The following AK9 variants were observed in gnomAD, a reference collection of about 807,000 sequenced individuals.
AK9 encodes the protein adenylate kinase 9, also known as adenylate kinase domain containing 1.
AK9 carries 191 observed loss-of-function variants against 239.6 expected under a neutral mutation model. The ratio of observed to expected loss-of-function variants is 0.80; its 90% CI spans 0.71 to 0.90. The LOEUF is 0.90. AK9 is among the 40% of genes least tolerant of loss of function. The pLI, the probability that AK9 is intolerant of heterozygous loss-of-function variation, is 0.00. For synonymous variants in AK9, 689 were observed against 721.0 expected, an observed-to-expected ratio of 0.96 and a Z score of 0.71; for missense variants, 1,995 against 2,214.7, an observed-to-expected ratio of 0.90 and a Z score of 1.99.
At chr6:109,659,900 A>C (rs548123946) in intron 6 of AK9, among the ~76,000 whole-genome samples, 1 of 152,294 alleles carries the variant, frequency 6.6e-6, no homozygotes, top group East Asian at 1.9e-4. Flanking sequence ...TGGGACCTGA[A>C]AGATCATCTA....
intron 8 of AK9, among the ~76,000 whole-genome samples, chr6:109,655,457 T>A (rs1799553774): frequency 6.6e-6 from 1 of 152,246 alleles, no homozygotes; most frequent in Non-Finnish European, 1.5e-5. Context: ...TCATCATAGT[T>A]AACGTGAATA....
At chr6:109,586,273 G>T (rs1048107253) in intron 17 of AK9, among the ~76,000 whole-genome samples, 3 of 152,124 alleles carry the variant, frequency 2.0e-5, no homozygotes, top group Admixed American at 2.0e-4. Flanking sequence ...AATGGAGGCT[G>T]GGCGAAGTGG....
chr6:109,571,420 A>G (rs1018348724), intron 21 of AK9, among the ~76,000 whole-genome samples: 2 of 152,206 alleles, frequency 1.3e-5, no homozygotes, highest in African/African-American at 4.8e-5. Flanking sequence ...GTAGGACTTT[A>G]AAAATGTCCG....
intron 1 of AK9, among the ~76,000 whole-genome samples, chr6:109,686,375 C>A: frequency 6.6e-6 from 1 of 152,206 alleles, no homozygotes; most frequent in East Asian, 1.9e-4. Context: ...GTTACTGTAC[C>A]TTGTACCTTC....
At chr6:109,638,788 C>T (rs1583365286) in intron 10 of AK9, among the ~76,000 whole-genome samples, 1 of 152,156 alleles carries the variant, frequency 6.6e-6, no homozygotes, top group Non-Finnish European at 1.5e-5. Flanking sequence ...TCTCCTAATG[C>T]TATCCCTCCC....
chr6:109,575,530 A>AT (rs756231478), intron 20 of AK9, among the ~76,000 whole-genome samples: 5 of 150,330 alleles, frequency 3.3e-5, no homozygotes, highest in Non-Finnish European at 4.4e-5. Context: ...TGGGATTATT[A>AT]TTTTTTTTTC....
chr6:109,578,582 G>A (rs1165006169), intron 20 of AK9, among the ~76,000 whole-genome samples: 2 of 151,974 alleles, frequency 1.3e-5, no homozygotes, highest in Non-Finnish European at 1.5e-5. Flanking sequence ...TTGGGTTCGG[G>A]TTTGGGTTTG....
chr6:109,688,071 C>T (rs903168003), intron 1 of AK9, among the ~76,000 whole-genome samples: 7 of 152,142 alleles, frequency 4.6e-5, no homozygotes, highest in African/African-American at 1.7e-4. Flanking sequence ...CATATCAAGG[C>T]CTCCTTTCAC....
At chr6:109,552,821 T>G (rs1021278384) in intron 24 of AK9, among the ~76,000 whole-genome samples, 12 of 152,014 alleles carry the variant, frequency 7.9e-5, no homozygotes, top group African/African-American at 2.2e-4. Context: ...TTCTTCTACG[T>G]TTTTTTATGC....
chr6:109,653,226 A>G (rs535803195), intron 8 of AK9, among the ~76,000 whole-genome samples: 53 of 152,110 alleles, frequency 3.5e-4, no homozygotes, highest in Non-Finnish European at 7.2e-4. Context: ...CACGCCTGGC[A>G]AAAGTAGGTT....
intron 1 of AK9, 71 bp downstream of exon 1, chr6:109,691,076 G>C (rs1774325238): frequency 1.1e-5 from 4 of 348,144 alleles, no homozygotes; most frequent in Non-Finnish European, 2.2e-5. Flanking sequence ...TTTCCAAAGA[G>C]AGGGAGGAGA....
At chr6:109,506,305 A>G in intron 35 of AK9, 22 bp downstream of exon 35, 1 of 1,600,830 alleles carries the variant, frequency 6.2e-7, no homozygotes, top group Non-Finnish European at 8.6e-7. Flanking sequence ...ATTTTATTCT[A>G]CCTTAAAAAG....
chr6:109,678,529 G>A (rs1583552871), intron 1 of AK9, among the ~76,000 whole-genome samples: 1 of 152,120 alleles, frequency 6.6e-6, no homozygotes, highest in East Asian at 1.9e-4. Context: ...TATCATAAGA[G>A]AAATAAAGGC....
Position 109,542,057 on chromosome 6 carries a change from C to T in AK9, c.3340G>A (p.Glu1114Lys). Residue 1114 changes from glutamate to lysine, a missense_variant, in exon 27 of 41, where the codon GAA (glutamate) becomes AAA (lysine). Glu to Lys is a moderately conservative substitution (Grantham distance 56, BLOSUM62 1). Transcript: ENST00000424296. ...TATAAATTAAGATACCGTATTGGTT[C>T]CTTAAGCCACCACTCAGAAAGAATT... The part of the protein sequence containing the change: ...EVILSEWWLK[E>K]PIRSTGFILD... The T allele has an allele frequency of 6.3e-7, 1 of 1,595,632 alleles. No homozygotes were observed. The highest frequency in any genetic ancestry group is 8.6e-7 in the Non-Finnish European group (1 of 1,168,102).
chr6:109,588,244 T>C (rs1789771394), intron 17 of AK9, among the ~76,000 whole-genome samples: 1 of 152,168 alleles, frequency 6.6e-6, no homozygotes, highest in South Asian at 2.1e-4. Context: ...CTAATTTTTG[T>C]ATTTTTAGTA....
At chr6:109,495,804 G>T (rs954858296) in intron 38 of AK9, among the ~76,000 whole-genome samples, 6 of 152,042 alleles carry the variant, frequency 3.9e-5, no homozygotes, top group African/African-American at 1.4e-4. Context: ...CTACCCACTT[G>T]TTCTCTTCCC....
intron 17 of AK9, among the ~76,000 whole-genome samples, chr6:109,592,951 C>T (rs1450152925): frequency 6.6e-6 from 1 of 152,084 alleles, no homozygotes; most frequent in Non-Finnish European, 1.5e-5. Flanking sequence ...ATTATTTCCT[C>T]AAATAGGTTT....
chr6:109,620,985 T>A (rs1266835254), intron 12 of AK9, among the ~76,000 whole-genome samples: 1 of 152,006 alleles, frequency 6.6e-6, no homozygotes, highest in Non-Finnish European at 1.5e-5. Flanking sequence ...TCAATTCTGT[T>A]TTATGGATTT....
chr6:109,574,539 G>A (rs569778774), intron 20 of AK9, among the ~76,000 whole-genome samples: 68 of 152,196 alleles, frequency 4.5e-4, no homozygotes, highest in Non-Finnish European at 8.7e-4. Context: ...TATTATTGTG[G>A]TTTGTTGCCT....
Sources: allele counts gnomAD v4.1 joint callset (sites outside exome capture counted in the v4.1 genomes callset), GRCh38; gene constraint gnomAD v4.1.1; transcripts MANE v1.5; gene names NCBI Gene and HGNC (gene_info 2026-07-23, HGNC 2026-07-21).